MTDH: variants seen among roughly 807,000 people sequenced by gnomAD.
MTDH encodes the protein protein LYRIC.
Under a neutral mutation model 72.7 loss-of-function variants are expected in MTDH, and 34 were observed. That is an observed-to-expected ratio of 0.47 (90% CI 0.36 to 0.62). The LOEUF is 0.62. Among genes scored for constraint, MTDH ranks in the 20% least tolerant of loss-of-function variants. The pLI, the probability that MTDH is intolerant of heterozygous loss-of-function variation, is 0.00. For synonymous variants in MTDH, 266 were observed against 268.9 expected, an observed-to-expected ratio of 0.99 and a Z score of 0.10; for missense variants, 677 against 699.4, an observed-to-expected ratio of 0.97 and a Z score of 0.36.
chr8:97,670,122 T>C (rs955985350), intron 2 of MTDH, among the ~76,000 whole-genome samples: 3 of 151,888 alleles, frequency 2.0e-5, no homozygotes, highest in Non-Finnish European at 4.4e-5. Flanking sequence ...TGAGACCAGC[T>C]TGGGCAACAT....
rs1563576204 is a variant in MTDH at position 97,725,598 on chromosome 8, TTTAA to T, written c.*931_*934del. 1 of 152,642 alleles carries T rather than the reference TTTAA, an allele frequency of 6.6e-6. No individual in the cohort carries two copies. Among genetic ancestry groups the T allele is most frequent in the Non-Finnish European group, 1.5e-5 (1 of 68,038 alleles). 9.5% of individuals were successfully genotyped at this position (152,642 alleles called of 1,614,324 possible). A position where few individuals can be genotyped will look rare whatever the true frequency, so the allele number is the denominator to read the frequency against. ...GAATGAAAAACTAGAGTCAGACAGC[TTTAA>T]TTGACATTGTCAACACCTCCAGTTA... On this transcript the variant is annotated 3_prime_UTR_variant, in exon 12 of 12. Coordinates refer to ENST00000336273, the MANE Select transcript of MTDH (RefSeq NM_178812.4).
rs1473529539 is a variant in MTDH, at chr8:97,727,769, A to G, written c.*3099A>G. ...CCAGCCTGTCTCCACATACATACTG[A>G]AAATTCTTCCCTACTCTGAGGCAGG... On this transcript the variant is annotated 3_prime_UTR_variant, in exon 12 of 12. Coordinates refer to ENST00000336273, the MANE Select transcript of MTDH (RefSeq NM_178812.4). The G allele has an allele frequency of 6.6e-6, 1 of 152,156 alleles. No homozygotes were observed. Among genetic ancestry groups the G allele is most frequent in the Non-Finnish European group, 1.5e-5 (1 of 68,036 alleles). 9.4% of individuals were successfully genotyped at this position (152,156 alleles called of 1,614,324 possible). A position where few individuals can be genotyped will look rare whatever the true frequency, so the allele number is the denominator to read the frequency against.
intron 2 of MTDH, among the ~76,000 whole-genome samples, chr8:97,676,430 A>G (rs898605012): frequency 7.9e-5 from 12 of 152,162 alleles, no homozygotes; most frequent in South Asian, 2.1e-4. Context: ...ATTGTACACT[A>G]TGCCTTTCTT....
intron 1 of MTDH, among the ~76,000 whole-genome samples, chr8:97,660,387 T>C (rs2130931235): frequency 6.6e-6 from 1 of 152,326 alleles, no homozygotes; most frequent in African/African-American, 2.4e-5. Context: ...AGAGATTGCC[T>C]AACATTCATT....
intron 6 of MTDH, among the ~76,000 whole-genome samples, chr8:97,695,561 T>C (rs1813802312): frequency 1.3e-5 from 2 of 152,208 alleles, no homozygotes; most frequent in African/African-American, 4.8e-5. Context: ...GAAAGGGAAC[T>C]ATATTAAATT....
intron 1 of MTDH, among the ~76,000 whole-genome samples, chr8:97,646,608 A>G (rs989279794): frequency 3.3e-5 from 5 of 152,238 alleles, no homozygotes; most frequent in African/African-American, 1.2e-4. Flanking sequence ...CCAAGAACCC[A>G]TCCGACATGC....
At chr8:97,699,649 G>T (rs903354479) in intron 6 of MTDH, 105 bp from the exon 7 acceptor site, 24 of 695,534 alleles carry the variant, frequency 3.5e-5, no homozygotes, top group Non-Finnish European at 4.7e-5. Flanking sequence ...CCTTTTAGGA[G>T]AAATTTTAAA....
intron 5 of MTDH, among the ~76,000 whole-genome samples, chr8:97,689,572 A>T (rs1445475672): frequency 6.6e-6 from 1 of 152,116 alleles, no homozygotes; most frequent in Non-Finnish European, 1.5e-5. Flanking sequence ...ATTGCTTTAT[A>T]AATAGAAAAT....
At position 97,706,649 on chromosome 8, in the gene MTDH, A is replaced by G. The variant is rs777418675; in HGVS notation, c.1171A>G (p.Asn391Asp). ...GLNGLSSADP[N>D]SDWNAPAEEW... ...AGATGGTCTGTCTTCTGCTGATCCC[A>G]ACTCTGATTGGAATGCACCAGCAGA... is the stretch of plus-strand genomic sequence containing the variant. The change falls in exon 8 of 12, where the codon AAC (asparagine) becomes GAC (aspartate). Residue 391 changes from asparagine (N) to aspartate (D), a missense_variant. Around this residue, in one of 3 missense-constraint regions of MTDH, gnomAD observed 9 missense variants for 25.8 expected, o/e 0.35. Coordinates refer to ENST00000336273, the MANE Select transcript of MTDH (RefSeq NM_178812.4). 1 of 1,612,996 alleles carries G rather than the reference A, an allele frequency of 6.2e-7. No homozygotes were observed. Among genetic ancestry groups the G allele is most frequent in the South Asian group, 1.1e-5 (1 of 90,860 alleles).
At chr8:97,715,839 G>A (rs966078400) in intron 9 of MTDH, among the ~76,000 whole-genome samples, 1 of 152,174 alleles carries the variant, frequency 6.6e-6, no homozygotes, top group Non-Finnish European at 1.5e-5. Flanking sequence ...ATTCTGAAAT[G>A]TTTAACGTAT....
chr8:97,719,349 C>T (rs763358387), intron 10 of MTDH, among the ~76,000 whole-genome samples, 160 bp downstream of exon 10: 10 of 151,764 alleles, frequency 6.6e-5, no homozygotes, highest in Admixed American at 2.0e-4. Flanking sequence ...AAAAATTAGC[C>T]GGGCACGGTG....
intron 6 of MTDH, among the ~76,000 whole-genome samples, chr8:97,691,751 T>G (rs552492636): frequency 1.3e-5 from 2 of 152,122 alleles, no homozygotes; most frequent in African/African-American, 2.4e-5. Flanking sequence ...ACATTACATG[T>G]GGGCAATTGC....
At chr8:97,669,475 C>T (rs1406813998) in intron 2 of MTDH, among the ~76,000 whole-genome samples, 4 of 151,918 alleles carry the variant, frequency 2.6e-5, no homozygotes, top group African/African-American at 9.7e-5. Flanking sequence ...AGAACATTTT[C>T]CTCACCCCAA....
intron 1 of MTDH, among the ~76,000 whole-genome samples, chr8:97,655,151 T>C (rs1811917119): frequency 6.6e-6 from 1 of 152,220 alleles, no homozygotes; most frequent in African/African-American, 2.4e-5. Flanking sequence ...TGAAACACAT[T>C]TGGGATCTCA....
At chr8:97,714,563 C>T (rs995538561) in intron 9 of MTDH, among the ~76,000 whole-genome samples, 2 of 151,268 alleles carry the variant, frequency 1.3e-5, no homozygotes, top group African/African-American at 4.9e-5. Flanking sequence ...AAAAATCACA[C>T]TACTGTACTC....
rs951217793 is a variant in MTDH, at chr8:97,725,442, T to A, written c.*772T>A. On this transcript the variant is annotated 3_prime_UTR_variant, in exon 12 of 12. Coordinates refer to ENST00000336273, the MANE Select transcript of MTDH (RefSeq NM_178812.4). ...GCTATTGTTTATGATTTGAAAACTT[T>A]CAGGCAAAATCCAATTTACATTTTT... 2 of 152,684 alleles carry A rather than the reference T, an allele frequency of 1.3e-5. No individual in the cohort carries two copies. Among genetic ancestry groups the A allele is most frequent in the Middle Eastern group, 3.4e-3 (1 of 294 alleles). 9.5% of individuals were successfully genotyped at this position (152,684 alleles called of 1,614,324 possible). A position where few individuals can be genotyped will look rare whatever the true frequency, so the allele number is the denominator to read the frequency against.
At chr8:97,706,489 C>T (rs1256603511) in intron 7 of MTDH, 137 bp from the exon 8 acceptor site, 6 of 642,648 alleles carry the variant, frequency 9.3e-6, no homozygotes, top group Non-Finnish European at 1.1e-5. Context: ...ATTTTTTTTT[C>T]TGGCTCTTAA....
At chr8:97,690,057 C>T (rs1239822321) in intron 5 of MTDH, among the ~76,000 whole-genome samples, 3 of 146,572 alleles carry the variant, frequency 2.0e-5, no homozygotes, top group African/African-American at 7.6e-5. Flanking sequence ...TGCAATGGCA[C>T]AATCTCGGCT....
At chr8:97,650,388 C>T (rs1000655510) in intron 1 of MTDH, among the ~76,000 whole-genome samples, 14 of 151,978 alleles carry the variant, frequency 9.2e-5, no homozygotes, top group Non-Finnish European at 1.8e-4. Flanking sequence ...GACTCTCCCA[C>T]CTCAGCCTCC....
Sources: gnomAD v4.1 joint callset for allele counts (sites outside exome capture counted in the v4.1 genomes callset) on GRCh38, gnomAD v4.1.1 for gene constraint, gnomAD v4.1.1 regional missense constraint, MANE v1.5 for transcripts, NCBI Gene and HGNC (gene_info 2026-07-23, HGNC 2026-07-21) for gene names.